The following ACVR1 variants were observed in gnomAD, a reference collection of about 807,000 sequenced individuals.
ACVR1 encodes activin A receptor type 1.
Under a neutral mutation model 57.1 loss-of-function variants are expected in ACVR1, and 38 were observed. That is an observed-to-expected ratio of 0.67 (90% CI 0.51 to 0.87). The LOEUF (loss-of-function observed/expected upper bound fraction) is 0.87, where lower values mean the gene tolerates loss of function less well. Among genes scored for constraint, ACVR1 ranks in the 40% least tolerant of loss-of-function variants. The pLI, the probability that ACVR1 is intolerant of heterozygous loss-of-function variation, is 0.00. For missense variants in ACVR1, 463 were observed against 638.2 expected, an observed-to-expected ratio of 0.73 and a Z score of 2.96; for synonymous variants, 212 against 228.1, an observed-to-expected ratio of 0.93 and a Z score of 0.63.
chr2:157,863,716 G>C (rs529697335), intron 1 of ACVR1, among the ~76,000 whole-genome samples: 1 of 151,878 alleles, frequency 6.6e-6, no homozygotes, highest in Non-Finnish European at 1.5e-5. Context: ...AATAAAAAGA[G>C]AGAGAGAAAG....
At chr2:157,738,260 A>C (rs562819111) in intron 10 of ACVR1, among the ~76,000 whole-genome samples, 180 bp downstream of exon 10, 3 of 152,328 alleles carry the variant, frequency 2.0e-5, no homozygotes, top group African/African-American at 7.2e-5. Context: ...GGCTTCTTCA[A>C]GAATGGAGTA....
chr2:157,847,165 A>G (rs1689149772), intron 1 of ACVR1, among the ~76,000 whole-genome samples: 1 of 152,248 alleles, frequency 6.6e-6, no homozygotes, highest in Non-Finnish European at 1.5e-5. Flanking sequence ...TGAACTTATT[A>G]TACACATGCA....
chr2:157,791,804 T>TCCTAAC (rs1686924423), intron 3 of ACVR1, among the ~76,000 whole-genome samples: 1 of 152,204 alleles, frequency 6.6e-6, no homozygotes, highest in Non-Finnish European at 1.5e-5. Context: ...TCAAACATGA[T>TCCTAAC]CCTAACCCTC....
intron 6 of ACVR1, among the ~76,000 whole-genome samples, chr2:157,771,200 T>G (rs975546867): frequency 1.3e-5 from 2 of 152,258 alleles, no homozygotes; most frequent in African/African-American, 4.8e-5. Context: ...CCAGAAGAGT[T>G]CTGACTTCTT....
At chr2:157,810,617 G>A (rs963751016) in intron 2 of ACVR1, among the ~76,000 whole-genome samples, 3 of 152,144 alleles carry the variant, frequency 2.0e-5, no homozygotes, top group African/African-American at 7.2e-5. Context: ...CTCTGGCAGT[G>A]GGGGGCCTAA....
chr2:157,783,616 T>A (rs1026035410), intron 3 of ACVR1, among the ~76,000 whole-genome samples: 1 of 152,186 alleles, frequency 6.6e-6, no homozygotes, highest in African/African-American at 2.4e-5. Context: ...AGGGTTTTCA[T>A]AACCTACCCT....
intron 9 of ACVR1, among the ~76,000 whole-genome samples, chr2:157,757,552 T>G (rs1388448879): frequency 6.6e-6 from 1 of 151,926 alleles, no homozygotes; most frequent in Non-Finnish European, 1.5e-5. Context: ...ACAGTGGATT[T>G]CTCAGTGGTA....
At chr2:157,866,338 G>T (rs983011342) in intron 1 of ACVR1, among the ~76,000 whole-genome samples, 1 of 152,028 alleles carries the variant, frequency 6.6e-6, no homozygotes, top group Non-Finnish European at 1.5e-5. Context: ...AGACTTTTAG[G>T]GATCAAAAGG....
At chr2:157,858,336 C>T (rs1426431165) in intron 1 of ACVR1, among the ~76,000 whole-genome samples, 8 of 152,084 alleles carry the variant, frequency 5.3e-5, no homozygotes, top group African/African-American at 1.9e-4. Context: ...GTGACAGATC[C>T]ACCCTCTCCC....
chr2:157,784,256 G>A (rs750645044), intron 3 of ACVR1, among the ~76,000 whole-genome samples: 9 of 152,182 alleles, frequency 5.9e-5, no homozygotes, highest in Non-Finnish European at 1.3e-4. Flanking sequence ...ATGGGTGTGT[G>A]GACTCCTAAT....
intron 2 of ACVR1, among the ~76,000 whole-genome samples, chr2:157,803,324 G>A (rs1047163804): frequency 6.6e-6 from 1 of 152,154 alleles, no homozygotes; most frequent in Non-Finnish European, 1.5e-5. Context: ...CGTCTCTAGT[G>A]TTTAAAGACA....
At chr2:157,808,971 T>G (rs1412608516) in intron 2 of ACVR1, among the ~76,000 whole-genome samples, 1 of 152,060 alleles carries the variant, frequency 6.6e-6, no homozygotes, top group Non-Finnish European at 1.5e-5. Context: ...GCCAATGAAT[T>G]ACAGCAATGT....
chr2:157,875,113 T>C (rs1027138167), intron 1 of ACVR1: 4 of 152,176 alleles, frequency 2.6e-5, no homozygotes, highest in African/African-American at 7.2e-5. Context: ...CATCTCTTCT[T>C]AGTGCGCCCG....
chr2:157,840,835 C>T (rs921092720), intron 1 of ACVR1, among the ~76,000 whole-genome samples: 5 of 152,248 alleles, frequency 3.3e-5, no homozygotes, highest in African/African-American at 9.6e-5. Context: ...ATCCTGCAGC[C>T]GTCCACTTTA....
At chr2:157,748,387 ATTGT>A (rs1443098671) in intron 9 of ACVR1, among the ~76,000 whole-genome samples, 1 of 152,166 alleles carries the variant, frequency 6.6e-6, no homozygotes, top group African/African-American at 2.4e-5. Context: ...CCTTCTCTAA[ATTGT>A]TTGTTAAGAT....
At chr2:157,865,865 T>TAGATTGAC (rs1553452950) in intron 1 of ACVR1, among the ~76,000 whole-genome samples, 1 of 150,080 alleles carries the variant, frequency 6.7e-6, no homozygotes, top group Non-Finnish European at 1.5e-5. Context: ...GATAGATAGA[T>TAGATTGAC]TGACTGATTG....
chr2:157,833,382 G>A (rs376653340), intron 1 of ACVR1, among the ~76,000 whole-genome samples: 1 of 152,186 alleles, frequency 6.6e-6, no homozygotes, highest in African/African-American at 2.4e-5. Flanking sequence ...ACCCTTGGCT[G>A]TACATTAAAA....
At position 157,843,425 on chromosome 2, in the gene ACVR1, C is replaced by T. The variant is rs140031868; in HGVS notation, c.-182-24866G>A. On this transcript the variant is annotated intron_variant, in intron 1 of 10. Transcript: ENST00000434821. ...TCCAAGGTACCAGACACCACTGTGA[C>T]GGAGATTTGCATCCATATTACCACA... 2.9e-3 allele frequency among the ~76,000 whole-genome samples: 435 copies of T among 152,276 alleles called. 2 individuals carry two copies. Among genetic ancestry groups the T allele is most frequent in the Middle Eastern group, 0.01 (3 of 294 alleles).
chr2:157,827,720 AGT>A (rs1394844766), intron 1 of ACVR1, among the ~76,000 whole-genome samples: 3 of 152,256 alleles, frequency 2.0e-5, no homozygotes, highest in East Asian at 3.9e-4. Flanking sequence ...CTTGAGCACT[AGT>A]GTCTTTCAAC....
Sources: gnomAD v4.1 joint callset for allele counts (sites outside exome capture counted in the v4.1 genomes callset) on GRCh38, gnomAD v4.1.1 for gene constraint, MANE v1.5 for transcripts, NCBI Gene and HGNC (gene_info 2026-07-23, HGNC 2026-07-21) for gene names.